The following NDST3 variants were observed in gnomAD, a reference collection of about 807,000 sequenced individuals.
NDST3 encodes bifunctional heparan sulfate N-deacetylase/N-sulfotransferase 3.
In NDST3, 58 loss-of-function variants were observed where a neutral mutation model predicts 96.1. The ratio of observed to expected loss-of-function variants is 0.60; its 90% CI spans 0.49 to 0.75. The LOEUF (loss-of-function observed/expected upper bound fraction) is 0.75. Among genes scored for constraint, NDST3 ranks in the 30% least tolerant of loss-of-function variants. The pLI is 0.00. For missense variants in NDST3, 788 were observed against 1,034.2 expected (o/e 0.76, Z 3.27); for synonymous variants, 333 against 359.7 (o/e 0.93, Z 0.84).
At chr4:118,074,675 G>C (rs113488249) in intron 2 of NDST3, among the ~76,000 whole-genome samples, 1 of 152,228 alleles carries the variant, frequency 6.6e-6, no homozygotes, top group African/African-American at 2.4e-5. Context: ...ATACAGTTGG[G>C]TCTTGCTTCT....
intron 1 of NDST3, among the ~76,000 whole-genome samples, chr4:118,048,486 T>G (rs1456076880): frequency 2.6e-5 from 4 of 152,120 alleles, no homozygotes; most frequent in African/African-American, 9.7e-5. Flanking sequence ...GAGACCAATT[T>G]CACATGTAAT....
chr4:118,248,292 A>C (rs1321235125), intron 12 of NDST3, among the ~76,000 whole-genome samples: 1 of 152,138 alleles, frequency 6.6e-6, no homozygotes, highest in Non-Finnish European at 1.5e-5. Context: ...TTGAGGTTGC[A>C]GTGAGCCAAG....
intron 4 of NDST3, among the ~76,000 whole-genome samples, chr4:118,136,655 C>A (rs900558445): frequency 1.3e-5 from 2 of 152,098 alleles, no homozygotes; most frequent in African/African-American, 4.8e-5. Flanking sequence ...TCCACTCAAC[C>A]TCCAATACCA....
At chr4:118,156,429 T>C (rs1734714033) in intron 6 of NDST3, among the ~76,000 whole-genome samples, 1 of 152,244 alleles carries the variant, frequency 6.6e-6, no homozygotes, top group Non-Finnish European at 1.5e-5. Flanking sequence ...TTTGACTTCC[T>C]TGATGGAAGA....
At chr4:118,051,146 G>A (rs114446857) in intron 1 of NDST3, among the ~76,000 whole-genome samples, 4,578 of 152,208 alleles carry the variant, frequency 0.03, 244 homozygotes, top group African/African-American at 0.1. Flanking sequence ...AGTAAATGGT[G>A]CTGGGATAAA....
chr4:118,184,272 T>C (rs1736785410), intron 6 of NDST3, among the ~76,000 whole-genome samples: 1 of 152,150 alleles, frequency 6.6e-6, no homozygotes, highest in Non-Finnish European at 1.5e-5. Context: ...TGTTCAAATA[T>C]TATTCTAGGT....
chr4:118,086,627 G>A (rs888170941), intron 2 of NDST3, among the ~76,000 whole-genome samples: 11 of 152,132 alleles, frequency 7.2e-5, no homozygotes, highest in African/African-American at 2.4e-4. Flanking sequence ...ATTCTTGCTT[G>A]TTGGAAAATC....
chr4:118,114,306 T>A (rs1390913545), intron 3 of NDST3, among the ~76,000 whole-genome samples: 1 of 152,194 alleles, frequency 6.6e-6, no homozygotes, highest in Non-Finnish European at 1.5e-5. Context: ...TTTCTCTTTC[T>A]TATGTGTCAG....
chr4:118,142,219 G>T (rs1226968564), intron 5 of NDST3, among the ~76,000 whole-genome samples: 1 of 151,846 alleles, frequency 6.6e-6, no homozygotes, highest in Admixed American at 6.6e-5. Context: ...TACTTAAACA[G>T]AAGTTTTTTA....
chr4:118,152,328 G>A (rs1734453361), intron 6 of NDST3, among the ~76,000 whole-genome samples: 1 of 152,076 alleles, frequency 6.6e-6, no homozygotes, highest in Admixed American at 6.6e-5. Context: ...TCAGGTAATG[G>A]GACTCCAGAA....
At chr4:118,234,340 G>A (rs1334591608) in intron 9 of NDST3, among the ~76,000 whole-genome samples, 1 of 152,086 alleles carries the variant, frequency 6.6e-6, no homozygotes. Context: ...CTGAGCCCAT[G>A]GAGGTTGAGG....
chr4:118,192,404 T>G (rs570268976), intron 6 of NDST3, among the ~76,000 whole-genome samples: 70 of 152,342 alleles, frequency 4.6e-4, no homozygotes, highest in Non-Finnish European at 9.6e-4. Flanking sequence ...TGTAGTAGTT[T>G]CACAGTTTGA....
Position 118,253,113 on chromosome 4 carries a change from C to G in NDST3, c.2400-386C>G, listed in dbSNP as rs556903383. On this transcript the variant is annotated intron_variant, in intron 12 of 13. Coordinates refer to ENST00000296499, the MANE Select transcript of NDST3 (RefSeq NM_004784.3). ...CTAAATCCATAGACATGGAAGAAGG[C>G]TGACTTGTTTTTAAACCCTACAAAG... Among the ~76,000 whole-genome samples, 13 of 152,206 alleles carry G rather than the reference C, an allele frequency of 8.5e-5. No homozygotes were observed. In the South Asian group the frequency reaches 2.5e-3, roughly 29 times the overall value.
chr4:118,155,322 A>C lies in NDST3; in HGVS notation c.1539+11638A>C, dbSNP rs763511807. Among the ~76,000 whole-genome samples, 66 of 152,196 alleles carry C rather than the reference A, an allele frequency of 4.3e-4. 1 individual carries two copies. The highest frequency in any genetic ancestry group is 5.3e-4 in the Non-Finnish European group (36 of 68,008). ...CAATCTGTGTGTAGTTTGCACATTC[A>C]CCCCATGTCTATGTGGGTTTTCTCC... On this transcript the variant is annotated intron_variant, in intron 6 of 13. Coordinates refer to ENST00000296499, the MANE Select transcript of NDST3 (RefSeq NM_004784.3).
intron 3 of NDST3, among the ~76,000 whole-genome samples, chr4:118,106,169 T>C (rs1730166310): frequency 6.6e-6 from 1 of 152,178 alleles, no homozygotes; most frequent in African/African-American, 2.4e-5. Context: ...TCCTTGAAGT[T>C]TACAGTTCCA....
intron 3 of NDST3, among the ~76,000 whole-genome samples, chr4:118,108,431 G>A (rs909121009): frequency 3.9e-5 from 6 of 152,076 alleles, no homozygotes; most frequent in African/African-American, 1.4e-4. Context: ...TTCTACAATT[G>A]CAAATGCTTT....
chr4:118,057,435 A>C (rs1265084364), intron 2 of NDST3, among the ~76,000 whole-genome samples: 1 of 152,014 alleles, frequency 6.6e-6, no homozygotes. Context: ...TCACCACATG[A>C]AAGTGTGTGA....
At chr4:118,149,852 T>C (rs1182141815) in intron 6 of NDST3, among the ~76,000 whole-genome samples, 1 of 152,204 alleles carries the variant, frequency 6.6e-6, no homozygotes. Context: ...AAGGGAATGC[T>C]TCCAGTTTTT....
intron 6 of NDST3, among the ~76,000 whole-genome samples, chr4:118,187,884 G>C (rs1737068331): frequency 6.6e-6 from 1 of 152,154 alleles, no homozygotes; most frequent in Non-Finnish European, 1.5e-5. Context: ...AGTTCCCAAA[G>C]TTTTGCTGCA....
Sources: gnomAD v4.1 joint callset for allele counts (sites outside exome capture counted in the v4.1 genomes callset) on GRCh38, gnomAD v4.1.1 for gene constraint, MANE v1.5 for transcripts, NCBI Gene and HGNC (gene_info 2026-07-23, HGNC 2026-07-21) for gene names.